DDAH1: variants seen among roughly 807,000 people sequenced by gnomAD.
DDAH1 encodes dimethylarginine dimethylaminohydrolase 1, also known as N(G),N(G)-dimethylarginine dimethylaminohydrolase 1.
A neutral mutation model predicts 28.8 loss-of-function variants in DDAH1; 19 were observed. That is an observed-to-expected ratio of 0.66 (90% CI 0.46 to 0.97). The LOEUF (loss-of-function observed/expected upper bound fraction) is 0.97. Ranked by LOEUF, DDAH1 falls within the 50% of genes least tolerant of loss-of-function variation. The pLI is 0.00. For missense variants in DDAH1, 326 were observed against 375.9 expected, an observed-to-expected ratio of 0.87 and a Z score of 1.10; for synonymous variants, 153 against 154.4, an observed-to-expected ratio of 0.99 and a Z score of 0.07.
At chr1:85,404,278 ATATTGACCCAT>A (rs1284438752) in intron 1 of DDAH1, 66 of 1,146,488 alleles carry the variant, frequency 5.8e-5, no homozygotes, top group Non-Finnish European at 7.9e-5. Context: ...CCACCAGTTC[ATATTGACCCAT>A]TATACATGAA....
chr1:85,437,867 A>G (rs992113078), intron 1 of DDAH1, among the ~76,000 whole-genome samples: 1 of 152,214 alleles, frequency 6.6e-6, no homozygotes, highest in Admixed American at 6.5e-5. Flanking sequence ...TATTTCTCAC[A>G]ACAAATCTAA....
intron 1 of DDAH1, among the ~76,000 whole-genome samples, chr1:85,456,692 C>T (rs759491578): frequency 2.0e-5 from 3 of 152,174 alleles, no homozygotes; most frequent in Non-Finnish European, 2.9e-5. Flanking sequence ...ACTTAAGATA[C>T]GTTTATCCGG....
chr1:85,333,451 CATA>C (rs766785984), intron 4 of DDAH1, among the ~76,000 whole-genome samples: 10 of 152,044 alleles, frequency 6.6e-5, no homozygotes, highest in African/African-American at 1.2e-4. Flanking sequence ...TCCAAAGGAA[CATA>C]ATAATTCTCC....
At chr1:85,362,063 T>A (rs1649824626) in intron 1 of DDAH1, among the ~76,000 whole-genome samples, 1 of 152,232 alleles carries the variant, frequency 6.6e-6, no homozygotes, top group Non-Finnish European at 1.5e-5. Context: ...ACATGTTTCT[T>A]GTGTTTTATC....
chr1:85,374,505 C>T (rs1036186547), intron 1 of DDAH1, among the ~76,000 whole-genome samples: 4 of 152,046 alleles, frequency 2.6e-5, no homozygotes, highest in South Asian at 2.1e-4. Context: ...ATTTAAAGCC[C>T]ACTCTCCCTG....
At chr1:85,337,871 T>C (rs554417170) in intron 4 of DDAH1, among the ~76,000 whole-genome samples, 7 of 152,378 alleles carry the variant, frequency 4.6e-5, no homozygotes, top group African/African-American at 1.4e-4. Context: ...ACTCAGAGCC[T>C]GCCTTCAATG....
At position 85,567,391 on chromosome 1, in the gene DDAH1, T is replaced by G. The variant is rs184802521; in HGVS notation, c.-123+10593A>C. On this transcript the variant is annotated intron_variant, in intron 1 of 6. Coordinates refer to the DDAH1 transcript ENST00000426972. ...GGTATTTCCCGTGCTATTCTCATGA[T>G]AGTGATAGGTCTCACAAGATCCAAT... 3.6e-3 allele frequency among the ~76,000 whole-genome samples: 551 copies of G among 152,292 alleles called. 4 individuals carry two copies. Among genetic ancestry groups the G allele is most frequent in the African/African-American group, 0.012 (518 of 41,570 alleles).
Position 85,503,003 on chromosome 1 carries a change from T to C in DDAH1, c.-122-6722A>G, listed in dbSNP as rs530758790. 5.9e-4 allele frequency among the ~76,000 whole-genome samples: 90 copies of C among 152,294 alleles called. 1 individual carries two copies. In the South Asian group the frequency reaches 0.016, roughly 27 times the overall value. On this transcript the variant is annotated intron_variant, in intron 1 of 6. Transcript: ENST00000426972. ...GATGTCCCCCTGGTGGTGGATCTCA[T>C]TGAACACGGACTCAGTAAATTGTTA...
intron 4 of DDAH1, among the ~76,000 whole-genome samples, chr1:85,342,480 G>A (rs1648564975): frequency 6.6e-6 from 1 of 151,866 alleles, no homozygotes; most frequent in East Asian, 1.9e-4. Context: ...GATAACATTA[G>A]TGATTTTGGT....
chr1:85,401,835 T>A (rs1334536933), intron 1 of DDAH1, among the ~76,000 whole-genome samples: 3 of 152,182 alleles, frequency 2.0e-5, no homozygotes, highest in Non-Finnish European at 4.4e-5. Flanking sequence ...AAAATTCCTA[T>A]TATTGAACTG....
chr1:85,343,744 A>C (rs1648658473), intron 4 of DDAH1, among the ~76,000 whole-genome samples: 1 of 152,242 alleles, frequency 6.6e-6, no homozygotes. Context: ...GTTGTCATTA[A>C]AGGAAATTCC....
chr1:85,452,686 G>A (rs1654718549), intron 1 of DDAH1, among the ~76,000 whole-genome samples: 1 of 152,190 alleles, frequency 6.6e-6, no homozygotes, highest in Non-Finnish European at 1.5e-5. Flanking sequence ...AGGTAAAGAA[G>A]GGTAGGGAAG....
chr1:85,384,544 T>C (rs1050871227), intron 1 of DDAH1, among the ~76,000 whole-genome samples: 9 of 152,248 alleles, frequency 5.9e-5, no homozygotes, highest in Non-Finnish European at 8.8e-5. Flanking sequence ...CTGTGTGCAC[T>C]GTCTGAAAAG....
chr1:85,561,072 G>A (rs1244246117), intron 1 of DDAH1, among the ~76,000 whole-genome samples: 1 of 152,008 alleles, frequency 6.6e-6, no homozygotes, highest in Admixed American at 6.6e-5. Context: ...TTCAGGGAGT[G>A]TATCCTAGTG....
chr1:85,497,777 T>C (rs1197240995), intron 1 of DDAH1, among the ~76,000 whole-genome samples: 2 of 152,238 alleles, frequency 1.3e-5, no homozygotes, highest in Admixed American at 6.5e-5. Context: ...GTAACACAAT[T>C]ATACTAATGC....
Position 85,324,879 on chromosome 1 carries a change from A to G in DDAH1, c.602T>C (p.Met201Thr). 1 of 1,614,026 alleles carries G rather than the reference A, an allele frequency of 6.2e-7. No individual in the cohort carries two copies. The highest frequency in any genetic ancestry group is 8.5e-7 in the Non-Finnish European group (1 of 1,179,968). Residue 201 changes from methionine (M) to threonine (T), a missense_variant, in exon 5 of 6, where the codon ATG (methionine) becomes ACG (threonine). By Grantham distance (81) the Met-to-Thr change is moderately conservative (BLOSUM62 -1). Coordinates refer to ENST00000284031, the MANE Select transcript of DDAH1 (RefSeq NM_012137.4). ...SESAQKALKI[M>T]QQMSDHRYDK... ...GTAGCGGTGGTCACTCATCTGTTGCATGATCTATAAAGAGAAACAAAGCAG... is the reference window on the plus strand; with the variant it reads ...GTAGCGGTGGTCACTCATCTGTTGCGTGATCTATAAAGAGAAACAAAGCAG...
intron 1 of DDAH1, among the ~76,000 whole-genome samples, chr1:85,432,589 G>A (rs940056873): frequency 5.3e-5 from 8 of 152,038 alleles, no homozygotes; most frequent in African/African-American, 1.7e-4. Flanking sequence ...TGGCACAATT[G>A]AATTGTACTC....
chr1:85,499,070 G>A (rs930563245), intron 1 of DDAH1, among the ~76,000 whole-genome samples: 8 of 151,644 alleles, frequency 5.3e-5, no homozygotes, highest in Non-Finnish European at 1.0e-4. Context: ...CCTCAACATC[G>A]AACAAAACAC....
chr1:85,409,835 G>A (rs2100593794), intron 1 of DDAH1, among the ~76,000 whole-genome samples: 1 of 152,308 alleles, frequency 6.6e-6, no homozygotes, highest in Middle Eastern at 3.4e-3. Context: ...CTATGCTAAA[G>A]TTTTTGTCAA....
Sources: allele counts gnomAD v4.1 joint callset (sites outside exome capture counted in the v4.1 genomes callset), GRCh38; gene constraint gnomAD v4.1.1; transcripts MANE v1.5; gene names NCBI Gene and HGNC (gene_info 2026-07-23, HGNC 2026-07-21).